FCRLA: variants seen among roughly 807,000 people sequenced by gnomAD.
FCRLA encodes the protein Fc receptor-like A.
Under a neutral mutation model 28.4 loss-of-function variants are expected in FCRLA, and 26 were observed. That is an observed-to-expected ratio of 0.91 (90% CI 0.67 to 1.27). The LOEUF is 1.27. FCRLA is among the 50% of genes most tolerant of loss of function. The pLI, the probability that FCRLA is intolerant of heterozygous loss-of-function variation, is 0.00. For missense variants in FCRLA, 422 were observed against 433.1 expected (o/e 0.97, Z 0.23); for synonymous variants, 174 against 168.5 (o/e 1.03, Z -0.25).
At chr1:161,709,676 T>C (rs1038355173) in intron 1 of FCRLA, among the ~76,000 whole-genome samples, 1 of 151,878 alleles carries the variant, frequency 6.6e-6, no homozygotes, top group Non-Finnish European at 1.5e-5. Flanking sequence ...GGGCACGAAA[T>C]GACAGTCAGA....
chr1:161,709,845 A>G (rs1219111996), intron 1 of FCRLA, among the ~76,000 whole-genome samples: 1 of 152,156 alleles, frequency 6.6e-6, no homozygotes, highest in Non-Finnish European at 1.5e-5. Context: ...TGTGGTGAGA[A>G]ATGGATAATT....
intron 2 of FCRLA, 59 bp downstream of exon 2, chr1:161,710,971 C>A: frequency 6.3e-7 from 1 of 1,598,474 alleles, no homozygotes; most frequent in Non-Finnish European, 8.5e-7. Context: ...CCTCAGAGCC[C>A]ACCCAGGAAA....
At chr1:161,712,292 C>T (rs1683142605) in intron 4 of FCRLA, 74 bp downstream of exon 4, 4 of 1,530,744 alleles carry the variant, frequency 2.6e-6, no homozygotes, top group East Asian at 2.3e-5. Context: ...GATAAATTGA[C>T]CTGTGAGCTG....
In FCRLA at chr1:161,713,343, A is replaced by T. The variant is rs1409514938; in HGVS notation, c.1043A>T (p.His348Leu). 5 of 1,614,212 alleles carry T rather than the reference A, an allele frequency of 3.1e-6. No homozygotes were observed. The highest frequency in any genetic ancestry group is 1.7e-4 in the Middle Eastern group (1 of 6,060). The change falls in exon 5 of 5, where the codon CAC (histidine) becomes CTC (leucine). Residue 348 changes from histidine (H) to leucine (L), a missense_variant. Around this residue, in one of 3 missense-constraint regions of FCRLA, gnomAD observed 185 missense variants for 198.1 expected, o/e 0.93. Coordinates refer to ENST00000236938, the MANE Select transcript of FCRLA (RefSeq NM_032738.4). ...LLMELRELSGHRKPGTTKATA... is the reference protein window; with the variant it reads ...LLMELRELSGLRKPGTTKATA... ...ATGGAGTTGAGGGAATTATCTGGCC[A>T]CCGGAAGCCTGGGACCACAAAGGCT...
chr1:161,708,626 C>G (rs1372312552), intron 1 of FCRLA, among the ~76,000 whole-genome samples: 3 of 152,192 alleles, frequency 2.0e-5, no homozygotes, highest in Non-Finnish European at 4.4e-5. Context: ...TACTCACACA[C>G]CAGACTCTTG....
intron 1 of FCRLA, among the ~76,000 whole-genome samples, chr1:161,709,477 A>T (rs532770399): frequency 1.3e-5 from 2 of 152,294 alleles, no homozygotes; most frequent in East Asian, 1.9e-4. Flanking sequence ...GGCAGAGCAC[A>T]GATGAGTGAC....
At chr1:161,712,540 T>G (rs1481134158) in intron 4 of FCRLA, among the ~76,000 whole-genome samples, 7 of 152,212 alleles carry the variant, frequency 4.6e-5, no homozygotes, top group Admixed American at 4.6e-4. Context: ...GATGGGATAG[T>G]CTGAAGTCTA....
Position 161,713,353 on chromosome 1 carries a change from T to G in FCRLA, c.1053T>G (p.Pro351=). Residue 351 remains proline, a synonymous_variant, in exon 5 of 5, where the codon CCT becomes CCG. Coordinates refer to ENST00000236938, the MANE Select transcript of FCRLA (RefSeq NM_032738.4). ...ELRELSGHRK[P]GTTKATAE ...GGGAATTATCTGGCCACCGGAAGCC[T>G]GGGACCACAAAGGCTACTGCTGAAT... 1 of 1,614,096 alleles carries G rather than the reference T, an allele frequency of 6.2e-7. No homozygotes were observed. The highest frequency in any genetic ancestry group is 8.5e-7 in the Non-Finnish European group (1 of 1,179,966).
At chr1:161,707,417 A>G in intron 1 of FCRLA, 74 bp downstream of exon 1, 1 of 1,473,076 alleles carries the variant, frequency 6.8e-7, no homozygotes, top group Non-Finnish European at 9.1e-7. Flanking sequence ...AGAAGGAAAG[A>G]AACATGGACT....
intron 1 of FCRLA, chr1:161,710,542 C>T (rs1683040656): frequency 1.3e-6 from 2 of 1,542,642 alleles, no homozygotes; most frequent in Admixed American, 3.9e-5. Flanking sequence ...CTCCAAACCA[C>T]AGTGCATTTG....
Position 161,711,966 on chromosome 1 carries a change from C to T in FCRLA, c.532C>T (p.Pro178Ser). 2 of 1,613,870 alleles carry T rather than the reference C, an allele frequency of 1.2e-6. No individual in the cohort carries two copies. The highest frequency in any genetic ancestry group is 2.2e-5 in the East Asian group (1 of 44,874). Residue 178 changes from proline to serine, a missense_variant, in exon 4 of 5, where the codon CCC becomes TCC. Transcript: ENST00000236938. ...LFPAPILRAVPSAEPQAGSPM... is the reference protein window; with the variant it reads ...LFPAPILRAVSSAEPQAGSPM... Reference sequence around the variant, plus strand: ...TCCAGCGCCAATTCTCAGAGCTGTACCCTCAGCTGAACCCCAAGCAGGAAG... The same window carrying T: ...TCCAGCGCCAATTCTCAGAGCTGTATCCTCAGCTGAACCCCAAGCAGGAAG...
In FCRLA at chr1:161,714,214, A is replaced by G. The variant is rs1237633896; in HGVS notation, c.*834A>G. The G allele has an allele frequency of 1.3e-5, 2 of 152,200 alleles. No individual in the cohort carries two copies. Among genetic ancestry groups the G allele is most frequent in the South Asian group, 2.1e-4 (1 of 4,836 alleles). 9.4% of individuals were successfully genotyped at this position (152,200 alleles called of 1,614,324 possible). ...CAGAGAGCTAACTCACCCTTCCACC[A>G]TATGAGGACGTGGCAAGAAGATGAC... On this transcript the variant is annotated 3_prime_UTR_variant, in exon 5 of 5. Coordinates refer to ENST00000236938, the MANE Select transcript of FCRLA (RefSeq NM_032738.4).
chr1:161,712,330 G>C lies in FCRLA; in HGVS notation c.784+112G>C, dbSNP rs1480616260. On this transcript the variant is annotated intron_variant, in intron 4 of 4. Coordinates refer to ENST00000236938, the MANE Select transcript of FCRLA (RefSeq NM_032738.4). ...GTTCAGTGTGAGCAGGTTAAGAAGG[G>C]ACACAGAGGGGGCAGGAACAATGGG... 4.0e-6 allele frequency: 5 copies of C among 1,260,200 alleles called. No individual in the cohort carries two copies. The East Asian group carries it at 1.2e-4, about 30-fold the overall frequency. 78.1% of individuals were successfully genotyped at this position (1,260,200 alleles called of 1,614,324 possible).
Position 161,710,922 on chromosome 1 carries a change from T to A in FCRLA, c.232+10T>A. ...CTGATTGTGTCCTATGGTGAGGTCC[T>A]GGGAAGGCCTGAGCAGTGCCCCAAA... On this transcript the variant is annotated intron_variant, in intron 2 of 4. Transcript: ENST00000236938. The A allele has an allele frequency of 6.2e-7, 1 of 1,612,402 alleles. No homozygotes were observed. The highest frequency in any genetic ancestry group is 1.7e-5 in the Admixed American group (1 of 60,020).
In FCRLA at chr1:161,711,387, A is replaced by G. The variant is rs1683093487; in HGVS notation, c.412A>G (p.Ser138Gly). 6.2e-7 allele frequency: 1 copy of G among 1,614,232 alleles called. No homozygotes were observed. The highest frequency in any genetic ancestry group is 1.3e-5 in the African/African-American group (1 of 75,066). The change falls in exon 3 of 5, where the codon AGC becomes GGC. Residue 138 changes from serine (S) to glycine (G), a missense_variant. By Grantham distance (56) the Ser-to-Gly change is moderately conservative. This residue lies in a region of FCRLA where 231 missense variants were observed against 214.6 expected (regional missense o/e 1.08). Coordinates refer to ENST00000236938, the MANE Select transcript of FCRLA (RefSeq NM_032738.4). ...CATCACCGTGGTACAAAAGGCAGAC[A>G]GCGGGCACTACCACTGCAGTGGCAT... ...FSITVVQKAD[S>G]GHYHCSGIFQ...
chr1:161,714,318 A>C lies in FCRLA; in HGVS notation c.*938A>C, dbSNP rs887363688. 1 of 152,342 alleles carries C rather than the reference A, an allele frequency of 6.6e-6. No homozygotes were observed. The highest frequency in any genetic ancestry group is 1.5e-5 in the Non-Finnish European group (1 of 68,046). The allele number at this position is 152,342 out of a possible 1,614,324, so 9.4% of individuals were successfully genotyped here. On this transcript the variant is annotated 3_prime_UTR_variant, in exon 5 of 5. Coordinates refer to ENST00000236938, the MANE Select transcript of FCRLA (RefSeq NM_032738.4). ...TGATCTTGAACTTCCAGCCTCCAGA[A>C]CTATGAGAAATAAAATTCTGTTGTT...
intron 1 of FCRLA, among the ~76,000 whole-genome samples, chr1:161,708,637 C>T (rs1051101517): frequency 1.1e-4 from 16 of 152,166 alleles, no homozygotes; most frequent in Non-Finnish European, 1.9e-4. Context: ...CAGACTCTTG[C>T]CTGTCTCTAA....
chr1:161,710,748 T>TCC lies in FCRLA; in HGVS notation c.80-12_80-11insCC. On this transcript the variant is annotated splice_polypyrimidine_tract_variant and intron_variant, in intron 1 of 4. Coordinates refer to ENST00000236938, the MANE Select transcript of FCRLA (RefSeq NM_032738.4). ...TCATTTTCTGGTTCTCCCTGGGCCA[T>TCC]GCCCTCTTCAGCTGCCAGTTTTGAG... 1 of 1,614,188 alleles carries TCC rather than the reference T, an allele frequency of 6.2e-7. No homozygotes were observed. Among genetic ancestry groups the TCC allele is most frequent in the South Asian group, 1.1e-5 (1 of 91,084 alleles).
chr1:161,713,187 CGCCAACCCCA>C lies in FCRLA; in HGVS notation c.888_897del (p.Pro297LeufsTer32). The C allele has an allele frequency of 6.2e-7, 1 of 1,614,246 alleles. No individual in the cohort carries two copies. Among genetic ancestry groups the C allele is most frequent in the Non-Finnish European group, 8.5e-7 (1 of 1,180,048 alleles). On this transcript the variant is annotated frameshift_variant, in exon 5 of 5. Transcript: ENST00000236938. LOFTEE classifies it low-confidence loss of function (END_TRUNC). ...GAGGCCCCTGGGCCTCTGCCTCCGC[CGCCAACCCCA>C]TCTTCTGAGGATCCAGGCTTTTCTT...
Sources: allele counts gnomAD v4.1 joint callset (sites outside exome capture counted in the v4.1 genomes callset), GRCh38; gene constraint gnomAD v4.1.1; regional missense constraint gnomAD v4.1.1; transcripts MANE v1.5; gene names NCBI Gene and HGNC (gene_info 2026-07-23, HGNC 2026-07-21).